ACOT4: variants seen among roughly 807,000 people sequenced by gnomAD.
ACOT4 encodes peroxisomal succinyl-coenzyme A thioesterase.
In ACOT4, 18 loss-of-function variants were observed where a neutral mutation model predicts 17.1. The observed-to-expected ratio is 1.05, with a 90% CI of 0.73 to 1.56. The LOEUF (loss-of-function observed/expected upper bound fraction) is 1.56, where lower values mean the gene tolerates loss of function less well. Among genes scored for constraint, ACOT4 ranks in the 40% most tolerant of loss-of-function variants. ACOT4 has a pLI of 0.00. For synonymous variants in ACOT4, 234 were observed against 236.6 expected (o/e 0.99, Z 0.10); for missense variants, 574 against 557.2 (o/e 1.03, Z -0.30).
chr14:73,593,336 CTTTT>C (rs60704237), intron 1 of ACOT4, among the ~76,000 whole-genome samples: 14 of 104,846 alleles, frequency 1.3e-4, no homozygotes, highest in Admixed American at 4.8e-4. Context: ...TTCTTTCTTT[CTTTT>C]TTTTTTTTTT....
chr14:73,593,336 C>CTTTTTTTTT (rs60704237), intron 1 of ACOT4, among the ~76,000 whole-genome samples: 109 of 104,844 alleles, frequency 1.0e-3, no homozygotes, highest in East Asian at 1.4e-3. Context: ...TTCTTTCTTT[C>CTTTTTTTTT]TTTTTTTTTT....
intron 1 of ACOT4, 74 bp from the exon 2 acceptor site, chr14:73,593,628 C>T (rs1890192693): frequency 7.1e-7 from 1 of 1,410,020 alleles, no homozygotes. Flanking sequence ...CAAGCATGAA[C>T]CACAGTGTCC....
rs1325551000 is a variant in ACOT4, at chr14:73,595,453, C to T, written c.1065C>T (p.Tyr355=). The T allele has an allele frequency of 6.2e-7, 1 of 1,614,202 alleles. No homozygotes were observed. The highest frequency in any genetic ancestry group is 2.2e-5 in the East Asian group (1 of 44,882). Residue 355 remains tyrosine, a synonymous_variant, in exon 3 of 3, where the codon TAC becomes TAT. Transcript: ENST00000326303. ...HGKEKPQIIC[Y]PGTGHYIEPP... ...AGGAAAAACCCCAGATCATCTGTTA[C>T]CCTGGGACTGGGCATTACATCGAGC...
chr14:73,593,130 GTCTCT>G (rs1308348523), intron 1 of ACOT4, among the ~76,000 whole-genome samples: 2 of 152,170 alleles, frequency 1.3e-5, no homozygotes, highest in Non-Finnish European at 2.9e-5. Flanking sequence ...TAGGCACACT[GTCTCT>G]TCTCCACTTC....
At chr14:73,594,864 C>A (rs1400849912) in intron 2 of ACOT4, among the ~76,000 whole-genome samples, 185 bp from the exon 3 acceptor site, 1 of 152,098 alleles carries the variant, frequency 6.6e-6, no homozygotes, top group East Asian at 1.9e-4. Context: ...CCACACTCGG[C>A]TAATTTTTTT....
At chr14:73,594,673 G>GTTAT (rs5809619) in intron 2 of ACOT4, among the ~76,000 whole-genome samples, 51,708 of 147,104 alleles carry the variant, frequency 0.35, 9,562 homozygotes, top group African/African-American at 0.46. Flanking sequence ...CATTGGATAA[G>GTTAT]TTATTTATTT....
intron 2 of ACOT4, 115 bp downstream of exon 2, chr14:73,594,019 G>T: frequency 2.1e-6 from 2 of 952,090 alleles, no homozygotes; most frequent in Non-Finnish European, 3.0e-6. Flanking sequence ...GATGTCTTCT[G>T]GAGACTTCCT....
In ACOT4 at chr14:73,595,518, T is replaced by G. The variant is rs371204437; in HGVS notation, c.1130T>G (p.Leu377Ter). ...CTGTGCCCAGCTTCCCTTCACAGAT[T>G]ACTGAACAAACATGTTATATGGGGT... The part of the protein sequence containing the change: ...FPLCPASLHR[L>*]LNKHVIWGGE... The change falls in exon 3 of 3, where the codon TTA (leucine) becomes TGA (stop). Residue 377 changes from leucine to a stop codon, truncating the protein, a stop_gained. Transcript: ENST00000326303. LOFTEE classifies it low-confidence loss of function (END_TRUNC). The G allele has an allele frequency of 3.0e-5, 48 of 1,613,206 alleles. No individual in the cohort carries two copies. The highest frequency in any genetic ancestry group is 3.9e-5 in the Non-Finnish European group (46 of 1,179,334).
intron 1 of ACOT4, 96 bp from the exon 2 acceptor site, chr14:73,593,606 G>T: frequency 8.1e-7 from 1 of 1,228,526 alleles, no homozygotes. Flanking sequence ...GCCTCCTAAA[G>T]TGCTGAGATT....
In ACOT4 at chr14:73,595,459, G is replaced by A. The variant is rs137856799; in HGVS notation, c.1071G>A (p.Gly357=). ...KEKPQIICYP[G]TGHYIEPPYF... Reference sequence around the variant, plus strand: ...AACCCCAGATCATCTGTTACCCTGGGACTGGGCATTACATCGAGCCTCCTT... The same window carrying A: ...AACCCCAGATCATCTGTTACCCTGGAACTGGGCATTACATCGAGCCTCCTT... Residue 357 remains glycine (G), a synonymous_variant, in exon 3 of 3, where the codon GGG becomes GGA. Transcript: ENST00000326303. The A allele has an allele frequency of 6.0e-5, 97 of 1,614,084 alleles. No individual in the cohort carries two copies. Among genetic ancestry groups the A allele is most frequent in the Non-Finnish European group, 7.3e-5 (86 of 1,180,046 alleles).
rs1268250826 is a variant in ACOT4 at position 73,591,969 on chromosome 14, A to G, written c.10A>G (p.Thr4Ala). Residue 4 changes from threonine to alanine, a missense_variant, in exon 1 of 3, where the codon ACG becomes GCG. Transcript: ENST00000326303. MSA[T>A]LILEPPGRCC... ...CCGCTCCGGCTCCAAGATGTCAGCA[A>G]CGCTGATCCTGGAGCCCCCAGGCCG... is the stretch of plus-strand genomic sequence containing the variant. The G allele has an allele frequency of 4.3e-6, 6 of 1,387,576 alleles. No homozygotes were observed. Among genetic ancestry groups the G allele is most frequent in the East Asian group, 6.1e-5 (2 of 32,962 alleles). 86.0% of individuals were successfully genotyped at this position (1,387,576 alleles called of 1,614,324 possible). A position where few individuals can be genotyped will look rare whatever the true frequency, so the allele number is the denominator to read the frequency against.
At chr14:73,594,223 T>G (rs994054324) in intron 2 of ACOT4, among the ~76,000 whole-genome samples, 3 of 152,208 alleles carry the variant, frequency 2.0e-5, no homozygotes, top group Non-Finnish European at 4.4e-5. Context: ...TTCTCAGATT[T>G]TGGTCAGAAC....
Position 73,592,335 on chromosome 14 carries a change from G to T in ACOT4, c.376G>T (p.Glu126Ter), listed in dbSNP as rs995899312. The T allele has an allele frequency of 1.9e-6, 3 of 1,604,036 alleles. No homozygotes were observed. The highest frequency in any genetic ancestry group is 2.6e-6 in the Non-Finnish European group (3 of 1,175,994). The change falls in exon 1 of 3, where the codon GAG becomes TAG. Residue 126 changes from glutamate to a stop codon, truncating the protein, a stop_gained. Coordinates refer to ENST00000326303, the MANE Select transcript of ACOT4 (RefSeq NM_152331.4). LOFTEE classifies it high-confidence loss of function. ...ACGGCTGCTGTGCCAGGCGCAGCAC[G>T]AGCGCCACTTCCTCCCGCCAGGGGT... ...PGRLLCQAQH[E>*]RHFLPPGVRR... is the part of the protein sequence containing the mutation.
intron 2 of ACOT4, among the ~76,000 whole-genome samples, chr14:73,594,314 C>A (rs184936364): frequency 4.2e-4 from 64 of 152,276 alleles, no homozygotes; most frequent in African/African-American, 1.5e-3. Flanking sequence ...ATACATATGG[C>A]AAATGATCTG....
chr14:73,592,211 G>A lies in ACOT4; in HGVS notation c.252G>A (p.Leu84=). ...AGCCCATGGGGCTGCTCTGGGCCCTGGAACCCGAGAAGCCTTTTTGGCGCT... is the reference window on the plus strand; with the variant it reads ...AGCCCATGGGGCTGCTCTGGGCCCTAGAACCCGAGAAGCCTTTTTGGCGCT... ...GLEPMGLLWA[L]EPEKPFWRFL... The change falls in exon 1 of 3, where the codon CTG becomes CTA. Residue 84 remains leucine, a synonymous_variant. Coordinates refer to ENST00000326303, the MANE Select transcript of ACOT4 (RefSeq NM_152331.4). The A allele has an allele frequency of 5.0e-6, 8 of 1,612,738 alleles. No homozygotes were observed. Among genetic ancestry groups the A allele is most frequent in the Non-Finnish European group, 6.8e-6 (8 of 1,179,322 alleles).
Position 73,595,575 on chromosome 14 carries a change from A to C in ACOT4, c.1187A>C (p.Glu396Ala). 1 of 1,581,890 alleles carries C rather than the reference A, an allele frequency of 6.3e-7. No homozygotes were observed. The highest frequency in any genetic ancestry group is 8.6e-7 in the Non-Finnish European group (1 of 1,160,258). ...GEPRAHSKAQ[E>A]DAWKQILAFF... ...CCCAGGGCTCATTCTAAGGCCCAGG[A>C]AGATGCCTGGAAGCAAATTCTAGCC... The change falls in exon 3 of 3, where the codon GAA becomes GCA. Residue 396 changes from glutamate to alanine, a missense_variant. By Grantham distance (107) the Glu-to-Ala change is moderately radical. Transcript: ENST00000326303.
chr14:73,594,706 T>TTATTTATTTATC (rs1555398027), intron 2 of ACOT4, among the ~76,000 whole-genome samples: 38 of 150,942 alleles, frequency 2.5e-4, no homozygotes, highest in African/African-American at 9.0e-4. Flanking sequence ...ATTTATTTAT[T>TTATTTATTTATC]TATTTATCTT....
chr14:73,594,022 GA>G, intron 2 of ACOT4, 118 bp downstream of exon 2: 1 of 915,574 alleles, frequency 1.1e-6, no homozygotes. Flanking sequence ...GTCTTCTGGA[GA>G]CTTCCTTGGC....
chr14:73,593,996 C>T (rs1890202822), intron 2 of ACOT4, 92 bp downstream of exon 2: 3 of 1,193,444 alleles, frequency 2.5e-6, no homozygotes, highest in Non-Finnish European at 3.5e-6. Flanking sequence ...CTGCTCTGTT[C>T]CTCTTTCACA....
Sources: allele counts gnomAD v4.1 joint callset (sites outside exome capture counted in the v4.1 genomes callset), GRCh38; gene constraint gnomAD v4.1.1; transcripts MANE v1.5; gene names NCBI Gene and HGNC (gene_info 2026-07-23, HGNC 2026-07-21).